NECTIN3: variants seen among roughly 807,000 people sequenced by gnomAD.
NECTIN3 encodes nectin cell adhesion molecule 3, also known as nectin-3.
A neutral mutation model predicts 49.4 loss-of-function variants in NECTIN3; 8 were observed. That is an observed-to-expected ratio of 0.16 (90% CI 0.10 to 0.29). The LOEUF (loss-of-function observed/expected upper bound fraction) is 0.29, where lower values mean the gene tolerates loss of function less well. NECTIN3 is among the 10% of genes least tolerant of loss of function. The pLI is 1.00. For synonymous variants in NECTIN3, 277 were observed against 241.1 expected (o/e 1.15, Z -1.38); for missense variants, 581 against 654.6 (o/e 0.89, Z 1.23).
chr3:111,128,998 T>G (rs548060426), intron 5 of NECTIN3, among the ~76,000 whole-genome samples: 21 of 152,208 alleles, frequency 1.4e-4, no homozygotes, highest in Non-Finnish European at 2.4e-4. Flanking sequence ...AGAGCCCTTC[T>G]TCCAGATGAT....
intron 7 of NECTIN3, among the ~76,000 whole-genome samples, chr3:111,165,138 G>A (rs1213475378): frequency 1.3e-5 from 2 of 152,030 alleles, no homozygotes; most frequent in South Asian, 2.1e-4. Context: ...CCGCCTCCCA[G>A]GTTCACACCA....
At chr3:111,113,005 G>C (rs1222704172) in intron 2 of NECTIN3, among the ~76,000 whole-genome samples, 1 of 152,138 alleles carries the variant, frequency 6.6e-6, no homozygotes, top group African/African-American at 2.4e-5. Flanking sequence ...TGAAGATTGA[G>C]GAGCAATAGC....
At chr3:111,130,018 C>A (rs148163065) in intron 5 of NECTIN3, among the ~76,000 whole-genome samples, 3,913 of 147,070 alleles carry the variant, frequency 0.027, 121 homozygotes, top group African/African-American at 0.078. Flanking sequence ...TGCAGTGGAG[C>A]GATCTTGGCT....
intron 7 of NECTIN3, among the ~76,000 whole-genome samples, chr3:111,185,511 A>G (rs747898850): frequency 6.6e-6 from 1 of 152,202 alleles, no homozygotes; most frequent in Non-Finnish European, 1.5e-5. Flanking sequence ...AAGCAGAAGT[A>G]AAAATGTATC....
In NECTIN3 at chr3:111,112,021, C is replaced by T; in HGVS notation, c.161-9C>T. The T allele has an allele frequency of 1.3e-6, 2 of 1,554,374 alleles. No individual in the cohort carries two copies. The highest frequency in any genetic ancestry group is 1.4e-5 in the African/African-American group (1 of 71,660). On this transcript the variant is annotated splice_polypyrimidine_tract_variant and intron_variant, in intron 1 of 5. Coordinates refer to ENST00000485303, the MANE Select transcript of NECTIN3 (RefSeq NM_015480.3). ...TTTAAAAATTGTAGTACTTTTTTTT[C>T]CTCCATAGGTGCCTTAGCTGGACCA...
At chr3:111,159,699 T>G (rs1189000662) in intron 7 of NECTIN3, among the ~76,000 whole-genome samples, 1 of 152,182 alleles carries the variant, frequency 6.6e-6, no homozygotes, top group African/African-American at 2.4e-5. Context: ...AGCTTTCAGC[T>G]TAAAACACTT....
chr3:111,103,094 C>CT (rs2107427115), intron 1 of NECTIN3, among the ~76,000 whole-genome samples: 1 of 152,220 alleles, frequency 6.6e-6, no homozygotes, highest in South Asian at 2.1e-4. Flanking sequence ...AGTCCTCTGA[C>CT]TTTGTTCTTC....
chr3:111,072,152 G>A lies in NECTIN3; in HGVS notation c.135G>A (p.Pro45=), dbSNP rs960270140. ...TPPPLLLLLF[P]LLLFSRLCGA... is the part of the protein sequence containing the mutation. ...CTCCGCTGCTGCTGCTGCTCTTCCCGCTGCTGCTCTTCTCCAGGCTCTGTG... is the reference window on the plus strand; with the variant it reads ...CTCCGCTGCTGCTGCTGCTCTTCCCACTGCTGCTCTTCTCCAGGCTCTGTG... The change falls in exon 1 of 6, where the codon CCG becomes CCA. Residue 45 remains proline (P), a synonymous_variant. Coordinates refer to ENST00000485303, the MANE Select transcript of NECTIN3 (RefSeq NM_015480.3). The A allele has an allele frequency of 5.8e-6, 9 of 1,552,434 alleles. No individual in the cohort carries two copies. Among genetic ancestry groups the A allele is most frequent in the South Asian group, 1.2e-5 (1 of 84,048 alleles).
intron 7 of NECTIN3, among the ~76,000 whole-genome samples, chr3:111,174,055 CT>C (rs1260065654): frequency 1.3e-5 from 2 of 152,160 alleles, no homozygotes; most frequent in Non-Finnish European, 2.9e-5. Flanking sequence ...GCTTGGGACT[CT>C]CAGTCTAGCC....
At chr3:111,130,110 C>G (rs2034331700) in intron 5 of NECTIN3, among the ~76,000 whole-genome samples, 1 of 152,026 alleles carries the variant, frequency 6.6e-6, no homozygotes, top group Non-Finnish European at 1.5e-5. Flanking sequence ...GTGGCCGCCA[C>G]TACGCCCAGC....
intron 1 of NECTIN3, among the ~76,000 whole-genome samples, chr3:111,104,251 T>G (rs763935323): frequency 6.6e-6 from 1 of 152,064 alleles, no homozygotes; most frequent in Non-Finnish European, 1.5e-5. Flanking sequence ...TTACATTTCC[T>G]TAAAATGTTG....
rs545164311 is a variant in NECTIN3, at chr3:111,181,921, T to C, written c.1222-10430T>C. Among the ~76,000 whole-genome samples, 4 of 152,100 alleles carry C rather than the reference T, an allele frequency of 2.6e-5. No homozygotes were observed. In the East Asian group the frequency reaches 7.7e-4, roughly 29 times the overall value. On this transcript the variant is annotated intron_variant, in intron 7 of 8. Coordinates refer to the NECTIN3 transcript ENST00000493615. ...TTCCTTTGGATTTAATTTGTTCTTT[T>C]TTCAGTTTCTTAAGCTTAGATCATT...
At chr3:111,106,706 G>A (rs1483226540) in intron 1 of NECTIN3, among the ~76,000 whole-genome samples, 1 of 152,098 alleles carries the variant, frequency 6.6e-6, no homozygotes, top group Admixed American at 6.6e-5. Flanking sequence ...TACCTTGCTA[G>A]TTTGTTAATG....
At chr3:111,076,091 A>G (rs1023189890) in intron 1 of NECTIN3, among the ~76,000 whole-genome samples, 2 of 152,108 alleles carry the variant, frequency 1.3e-5, no homozygotes, top group Non-Finnish European at 2.9e-5. Flanking sequence ...AAGCTGGGCA[A>G]TTGTGTTTAT....
Position 111,134,613 on chromosome 3 carries a change from T to C in NECTIN3, c.*398T>C, listed in dbSNP as rs1045978330. 4.4e-6 allele frequency: 4 copies of C among 915,322 alleles called. No individual in the cohort carries two copies. Among genetic ancestry groups the C allele is most frequent in the Non-Finnish European group, 5.2e-6 (4 of 766,206 alleles). The allele number at this position is 915,322 out of a possible 1,614,324, so 56.7% of individuals were successfully genotyped here. A position where few individuals can be genotyped will look rare whatever the true frequency, so the allele number is the denominator to read the frequency against. ...TCAAGTATGATGTTTGTTTAACATA[T>C]ACCTCTCAAAATTTATCACCACTCA... On this transcript the variant is annotated 3_prime_UTR_variant, in exon 6 of 6. Transcript: ENST00000485303.
intron 1 of NECTIN3, among the ~76,000 whole-genome samples, chr3:111,083,047 G>A (rs1576072562): frequency 6.6e-6 from 1 of 152,136 alleles, no homozygotes; most frequent in Non-Finnish European, 1.5e-5. Flanking sequence ...TGTAAATACG[G>A]ATGAGAGATG....
intron 2 of NECTIN3, among the ~76,000 whole-genome samples, chr3:111,114,120 T>C (rs953513811): frequency 6.6e-6 from 1 of 152,222 alleles, no homozygotes; most frequent in Non-Finnish European, 1.5e-5. Context: ...TGGCTTAAAA[T>C]CCAGGCTGTT....
intron 1 of NECTIN3, among the ~76,000 whole-genome samples, chr3:111,101,827 T>C (rs1298724505): frequency 6.6e-6 from 1 of 152,210 alleles, no homozygotes; most frequent in African/African-American, 2.4e-5. Flanking sequence ...GTTCTAGTTC[T>C]TTGTGCCATT....
In NECTIN3 at chr3:111,133,997, G is replaced by C; in HGVS notation, c.1432G>C (p.Val478Leu). Residue 478 changes from valine (V) to leucine (L), a missense_variant, in exon 6 of 6, where the codon GTG becomes CTG. By Grantham distance (32) the Val-to-Leu change is conservative. Around this residue, in one of 3 missense-constraint regions of NECTIN3, gnomAD observed 238 missense variants for 244.9 expected, o/e 0.97. Coordinates refer to ENST00000485303, the MANE Select transcript of NECTIN3 (RefSeq NM_015480.3). ...DSVKKENKNP[V>L]NNLIRKDYLE... The stretch of plus-strand genomic sequence containing the variant: ...TGTAAAAAAAGAAAACAAAAATCCA[G>C]TGAACAATCTAATACGTAAAGACTA... The C allele has an allele frequency of 6.2e-7, 1 of 1,613,022 alleles. No individual in the cohort carries two copies. Among genetic ancestry groups the C allele is most frequent in the South Asian group, 1.1e-5 (1 of 91,020 alleles).
Sources: allele counts gnomAD v4.1 joint callset (sites outside exome capture counted in the v4.1 genomes callset), GRCh38; gene constraint gnomAD v4.1.1; regional missense constraint gnomAD v4.1.1; transcripts MANE v1.5; gene names NCBI Gene and HGNC (gene_info 2026-07-23, HGNC 2026-07-21).